The following DGKB variants were observed in gnomAD, a reference collection of about 807,000 sequenced individuals.
DGKB encodes 90 kDa diacylglycerol kinase.
A neutral mutation model predicts 114.3 loss-of-function variants in DGKB; 67 were observed. The observed-to-expected ratio is 0.59, with a 90% CI of 0.48 to 0.72. The LOEUF (loss-of-function observed/expected upper bound fraction) is 0.72, where lower values mean the gene tolerates loss of function less well. DGKB is among the 30% of genes least tolerant of loss of function. The pLI, the probability that DGKB is intolerant of heterozygous loss-of-function variation, is 0.00. For synonymous variants in DGKB, 398 were observed against 323.1 expected (o/e 1.23, Z -2.49); for missense variants, 907 against 975.2 (o/e 0.93, Z 0.93).
chr7:14,940,836 T>G (rs1286382798), intron 1 of DGKB, among the ~76,000 whole-genome samples: 1 of 152,100 alleles, frequency 6.6e-6, no homozygotes, highest in African/African-American at 2.4e-5. Flanking sequence ...TTGACAAACT[T>G]TATTTCAGTT....
intron 1 of DGKB, among the ~76,000 whole-genome samples, chr7:14,961,007 C>T (rs1786810562): frequency 6.6e-6 from 1 of 151,974 alleles, no homozygotes; most frequent in South Asian, 2.1e-4. Flanking sequence ...GGGCTATAGG[C>T]TCTTTTCCCT....
At chr7:14,379,480 G>A (rs1184804027) in intron 21 of DGKB, among the ~76,000 whole-genome samples, 3 of 151,860 alleles carry the variant, frequency 2.0e-5, no homozygotes, top group African/African-American at 7.3e-5. Context: ...AGGAAAGAGA[G>A]TGGGGAGCGC....
chr7:14,490,083 T>C (rs1784395667), intron 20 of DGKB, among the ~76,000 whole-genome samples: 1 of 152,304 alleles, frequency 6.6e-6, no homozygotes, highest in Non-Finnish European at 1.5e-5. Context: ...TACAATTATA[T>C]AGTTTTTAAT....
At chr7:14,317,063 G>A (rs1196641273) in intron 23 of DGKB, among the ~76,000 whole-genome samples, 1 of 63,720 alleles carries the variant, frequency 1.6e-5, no homozygotes, top group Non-Finnish European at 2.9e-5. Flanking sequence ...ATGCAGAAAA[G>A]GCCTTTGACA....
chr7:14,722,682 C>T (rs982948221), intron 5 of DGKB, among the ~76,000 whole-genome samples: 1 of 151,746 alleles, frequency 6.6e-6, no homozygotes, highest in Admixed American at 6.6e-5. Context: ...CGCGGTGGTA[C>T]ATGCTTGTAG....
chr7:14,658,756 TA>T (rs1017211376), intron 13 of DGKB, among the ~76,000 whole-genome samples: 3 of 151,794 alleles, frequency 2.0e-5, no homozygotes, highest in Non-Finnish European at 4.4e-5. Context: ...AAATATGATT[TA>T]AAAATTACGT....
intron 23 of DGKB, among the ~76,000 whole-genome samples, chr7:14,303,657 T>A (rs540907521): frequency 5.1e-4 from 78 of 152,080 alleles, no homozygotes; most frequent in Middle Eastern, 3.4e-3. Context: ...GGCAGTACTC[T>A]CTATCACCTT....
At chr7:14,754,259 T>C (rs775541342) in intron 3 of DGKB, among the ~76,000 whole-genome samples, 2 of 152,058 alleles carry the variant, frequency 1.3e-5, no homozygotes, top group Non-Finnish European at 2.9e-5. Context: ...ACACTAAAAT[T>C]TCAGAATCAA....
chr7:14,809,755 G>A (rs1197855751), intron 2 of DGKB, among the ~76,000 whole-genome samples: 4 of 152,086 alleles, frequency 2.6e-5, no homozygotes, highest in Non-Finnish European at 5.9e-5. Flanking sequence ...CCATAAAAGT[G>A]CAAGGAATGG....
chr7:14,918,778 T>C (rs1221735749), intron 1 of DGKB, among the ~76,000 whole-genome samples: 1 of 151,966 alleles, frequency 6.6e-6, no homozygotes, highest in African/African-American at 2.4e-5. Flanking sequence ...CTTAAGTTTA[T>C]ATGGGGCTGG....
At chr7:14,825,716 T>G (rs548063813) in intron 2 of DGKB, among the ~76,000 whole-genome samples, 1 of 152,238 alleles carries the variant, frequency 6.6e-6, no homozygotes, top group South Asian at 2.1e-4. Flanking sequence ...GCAGGGGTAT[T>G]GAGGACCCCT....
intron 1 of DGKB, among the ~76,000 whole-genome samples, chr7:14,929,133 T>G (rs775464320): frequency 6.6e-6 from 1 of 152,006 alleles, no homozygotes; most frequent in Non-Finnish European, 1.5e-5. Flanking sequence ...CAGTCATCCA[T>G]TGATAAACAC....
In DGKB at chr7:14,478,252, A is replaced by G. The variant is rs754772032; in HGVS notation, c.1771-27T>C. The G allele has an allele frequency of 2.8e-6, 4 of 1,427,696 alleles. No homozygotes were observed. The Admixed American group carries it at 7.7e-5, about 27-fold the overall frequency. The allele number at this position is 1,427,696 out of a possible 1,614,324, so 88.4% of individuals were successfully genotyped here. A position where few individuals can be genotyped will look rare whatever the true frequency, so the allele number is the denominator to read the frequency against. ...TAAGGGGAGAAAATAGAAAACAAAA[A>G]CAGGATGGTTTATGATCCTATTATT... On this transcript the variant is annotated intron_variant, in intron 20 of 25. Transcript: ENST00000402815.
intron 13 of DGKB, among the ~76,000 whole-genome samples, 164 bp from the exon 14 acceptor site, chr7:14,630,432 T>A (rs539277639): frequency 6.6e-6 from 1 of 152,062 alleles, no homozygotes; most frequent in Non-Finnish European, 1.5e-5. Flanking sequence ...TAATTAAATA[T>A]CTTTTCATTG....
intron 21 of DGKB, among the ~76,000 whole-genome samples, chr7:14,370,128 G>A (rs1321666953): frequency 1.3e-5 from 2 of 152,114 alleles, no homozygotes; most frequent in African/African-American, 4.8e-5. Flanking sequence ...TTTGTATAAG[G>A]TGTAAGGAAG....
intron 1 of DGKB, among the ~76,000 whole-genome samples, chr7:14,909,277 C>A (rs13243346): frequency 6.6e-6 from 1 of 151,990 alleles, no homozygotes; most frequent in Non-Finnish European, 1.5e-5. Flanking sequence ...TATATTATAA[C>A]CATATTTTAA....
chr7:14,967,939 C>G (rs927895550), intron 1 of DGKB, among the ~76,000 whole-genome samples: 4 of 152,032 alleles, frequency 2.6e-5, no homozygotes, highest in Non-Finnish European at 4.4e-5. Flanking sequence ...ATAACCTACT[C>G]TAATAATTAC....
intron 21 of DGKB, among the ~76,000 whole-genome samples, chr7:14,361,252 A>T (rs986892959): frequency 6.6e-6 from 1 of 152,068 alleles, no homozygotes; most frequent in East Asian, 1.9e-4. Context: ...AAACAGAAAA[A>T]ACAGAACAGT....
At chr7:14,603,562 A>T (rs1454003932) in intron 17 of DGKB, among the ~76,000 whole-genome samples, 1 of 152,116 alleles carries the variant, frequency 6.6e-6, no homozygotes, top group African/African-American at 2.4e-5. Flanking sequence ...TAAATTATAC[A>T]TTTATTTTAA....
Sources: gnomAD v4.1 joint callset for allele counts (sites outside exome capture counted in the v4.1 genomes callset) on GRCh38, gnomAD v4.1.1 for gene constraint, MANE v1.5 for transcripts, NCBI Gene and HGNC (gene_info 2026-07-23, HGNC 2026-07-21) for gene names.